Variants in FBXO2 observed in about 807,000 individuals in gnomAD.
FBXO2 encodes the protein F-box protein 2.
FBXO2 carries 32 observed loss-of-function variants against 38.6 expected under a neutral mutation model. The ratio of observed to expected loss-of-function variants is 0.83; its 90% CI spans 0.62 to 1.11. FBXO2 has a LOEUF of 1.11. Ranked by LOEUF, FBXO2 falls within the 50% of genes most tolerant of loss-of-function variation. The probability of loss-of-function intolerance (pLI) is 0.00; values close to 1 mark genes in which losing one functional copy is unlikely to be tolerated. For synonymous variants in FBXO2, 189 were observed against 182.9 expected, an observed-to-expected ratio of 1.03 and a Z score of -0.27; for missense variants, 450 against 418.3, an observed-to-expected ratio of 1.08 and a Z score of -0.66.
intron 4 of FBXO2, 46 bp from the exon 5 acceptor site, chr1:11,649,271 G>A (rs1231955981): frequency 7.3e-7 from 1 of 1,372,878 alleles, no homozygotes; most frequent in Non-Finnish European, 1.0e-6. Context: ...GGTGGGGTGG[G>A]GGCATGGCCT....
In FBXO2 at chr1:11,648,980, G is replaced by GCCCAT; in HGVS notation, c.756+106_756+107insATGGG. ...ACCACCCGGTGACTATCTCAGCCCA[G>GCCCAT]CCCAGCCCAGCCCACCCCAGCCCAG... is the stretch of plus-strand genomic sequence containing the variant. On this transcript the variant is annotated intron_variant, in intron 5 of 5. Transcript: ENST00000354287. This position sits in a 1 kb window ranked among gnomAD's most constrained non-coding sequence, Gnocchi z 4.2. 2 of 1,358,394 alleles carry GCCCAT rather than the reference G, an allele frequency of 1.5e-6. No homozygotes were observed. Among genetic ancestry groups the GCCCAT allele is most frequent in the Non-Finnish European group, 2.0e-6 (2 of 991,192 alleles). 84.1% of individuals were successfully genotyped at this position (1,358,394 alleles called of 1,614,324 possible).
intron 1 of FBXO2, among the ~76,000 whole-genome samples, chr1:11,653,837 C>T (rs1639592298): frequency 6.6e-6 from 1 of 152,190 alleles, no homozygotes; most frequent in Admixed American, 6.5e-5. Context: ...CTGGGCATCT[C>T]ACCACCCCGG....
At chr1:11,652,703 T>C (rs758566558) in intron 1 of FBXO2, among the ~76,000 whole-genome samples, 1 of 152,140 alleles carries the variant, frequency 6.6e-6, no homozygotes, top group Non-Finnish European at 1.5e-5. Flanking sequence ...GGAGTTCCCA[T>C]GGGCTAGGCC....
rs1639471962 is a variant in FBXO2 at position 11,649,185 on chromosome 1, TGAG to T, written c.655_657del (p.Leu219del). 2 of 1,556,658 alleles carry T rather than the reference TGAG, an allele frequency of 1.3e-6. No individual in the cohort carries two copies. On this transcript the variant is annotated inframe_deletion, in exon 5 of 6. Transcript: ENST00000354287. Reference sequence around the variant, plus strand: ...TCGTGCTCGGACAGTAGCTTAACGGTGAGCTCGTAGAGGCAACCAGCGTCGCTG... The same window carrying T: ...TCGTGCTCGGACAGTAGCTTAACGGTCTCGTAGAGGCAACCAGCGTCGCTG...
intron 1 of FBXO2, among the ~76,000 whole-genome samples, chr1:11,653,197 G>A (rs748630679): frequency 2.0e-5 from 3 of 152,040 alleles, no homozygotes; most frequent in Non-Finnish European, 4.4e-5. Context: ...TGGCCCCATC[G>A]GACACCTGAT....
intron 1 of FBXO2, 22 bp from the exon 2 acceptor site, chr1:11,650,856 A>C: frequency 1.9e-6 from 3 of 1,557,486 alleles, no homozygotes; most frequent in Middle Eastern, 2.3e-4. Flanking sequence ...GATGGGTGGG[A>C]GGCTGTGATT....
Position 11,654,374 on chromosome 1 carries a change from G to A in FBXO2, c.-34C>T. ...AGGGCGGTCGCGAGAGGAGGAGCCG[G>A]AGCGCTGCGGGCTGCGCGAGTCCCG... On this transcript the variant is annotated 5_prime_UTR_variant, in exon 1 of 6. Transcript: ENST00000354287. 1 of 1,384,750 alleles carries A rather than the reference G, an allele frequency of 7.2e-7. No individual in the cohort carries two copies. Among genetic ancestry groups the A allele is most frequent in the East Asian group, 3.1e-5 (1 of 32,354 alleles). The allele number at this position is 1,384,750 out of a possible 1,614,324, so 85.8% of individuals were successfully genotyped here. A position where few individuals can be genotyped will look rare whatever the true frequency, so the allele number is the denominator to read the frequency against.
Position 11,649,718 on chromosome 1 carries a change from G to C in FBXO2, c.617+61C>G. The stretch of plus-strand genomic sequence containing the variant: ...CCCCCAGGCGGGGGGTTCCCCAGCT[G>C]GCTCTCCCCTCTGCCTTACCCCGCT... On this transcript the variant is annotated intron_variant, in intron 4 of 5. Transcript: ENST00000354287. 4.5e-6 allele frequency: 7 copies of C among 1,550,778 alleles called. No individual in the cohort carries two copies. The South Asian group carries it at 8.0e-5, about 18-fold the overall frequency.
intron 1 of FBXO2, 116 bp from the exon 2 acceptor site, chr1:11,650,950 G>A: frequency 7.2e-7 from 1 of 1,382,350 alleles, no homozygotes; most frequent in Non-Finnish European, 9.4e-7. Context: ...CCACAGCTGG[G>A]GCCGGAGATT....
In FBXO2 at chr1:11,654,006, C is replaced by T. The variant is rs143739994; in HGVS notation, c.22+313G>A. The T allele has an allele frequency of 3.4e-3, 1,252 of 372,644 alleles. 7 individuals carry two copies. Among genetic ancestry groups the T allele is most frequent in the Middle Eastern group, 0.022 (31 of 1,436 alleles). 23.1% of individuals were successfully genotyped at this position (372,644 alleles called of 1,614,324 possible). On this transcript the variant is annotated intron_variant, in intron 1 of 5. Coordinates refer to ENST00000354287, the MANE Select transcript of FBXO2 (RefSeq NM_012168.6). ...AGGCTCGCAGCCTCCCTCCCAGACGCATCCCAGGCCCCCGCCAGACAGACC... is the reference window on the plus strand; with the variant it reads ...AGGCTCGCAGCCTCCCTCCCAGACGTATCCCAGGCCCCCGCCAGACAGACC...
chr1:11,653,506 G>C (rs909934), intron 1 of FBXO2: 1 of 152,058 alleles, frequency 6.6e-6, no homozygotes. Context: ...CAAGGGCTGC[G>C]AGAGCTGGAA....
chr1:11,650,706 G>T lies in FBXO2; in HGVS notation c.151C>A (p.Pro51Thr). The change falls in exon 2 of 6, where the codon CCC becomes ACC. Residue 51 changes from proline to threonine, a missense_variant. Pro to Thr is a conservative substitution (Grantham distance 38, BLOSUM62 -1). Transcript: ENST00000354287. ...AAAAAYLDEL[P>T]EPLLLRVLAA... The stretch of plus-strand genomic sequence containing the variant: ...AGCACGCGCAGCAGCAGCGGCTCGG[G>T]CAGCTCGTCCAGGTACGCGGCGGCG... 1 of 1,530,916 alleles carries T rather than the reference G, an allele frequency of 6.5e-7. No individual in the cohort carries two copies. 94.8% of individuals were successfully genotyped at this position (1,530,916 alleles called of 1,614,324 possible). A position where few individuals can be genotyped will look rare whatever the true frequency, so the allele number is the denominator to read the frequency against.
rs914162763 is a variant in FBXO2 at position 11,650,072 on chromosome 1, C to A, written c.394G>T (p.Asp132Tyr). The A allele has an allele frequency of 6.2e-6, 10 of 1,613,928 alleles. No homozygotes were observed. The highest frequency in any genetic ancestry group is 6.8e-6 in the Non-Finnish European group (8 of 1,180,022). ...TCCACGTCACACCAGCCTTCCAAGTCCTCTGTAGGGACACGACAGCCCCAC... is the reference window on the plus strand; with the variant it reads ...TCCACGTCACACCAGCCTTCCAAGTACTCTGTAGGGACACGACAGCCCCAC... ...NLLRNPCGEE[D>Y]LEGWCDVEHG... Residue 132 changes from aspartate (D) to tyrosine (Y), a missense_variant and splice_region_variant, in exon 3 of 6, where the codon GAC becomes TAC. By Grantham distance (160) the Asp-to-Tyr change is radical. Coordinates refer to ENST00000354287, the MANE Select transcript of FBXO2 (RefSeq NM_012168.6).
rs1245750452 is a variant in FBXO2, at chr1:11,650,076, T to C, written c.392-2A>G. ...CGTCACACCAGCCTTCCAAGTCCTC[T>C]GTAGGGACACGACAGCCCCACCCTG... On this transcript the variant is annotated splice_acceptor_variant, in intron 2 of 5. Coordinates refer to ENST00000354287, the MANE Select transcript of FBXO2 (RefSeq NM_012168.6). LOFTEE classifies it high-confidence loss of function. The C allele has an allele frequency of 1.9e-6, 3 of 1,613,970 alleles. No homozygotes were observed. In the Admixed American group the frequency reaches 5.0e-5, roughly 27 times the overall value.
chr1:11,648,799 C>A lies in FBXO2; in HGVS notation c.786G>T (p.Pro262=), dbSNP rs141266599. Residue 262 remains proline (P), a synonymous_variant, in exon 6 of 6, where the codon CCG becomes CCT. Coordinates refer to ENST00000354287, the MANE Select transcript of FBXO2 (RefSeq NM_012168.6). The surrounding 1 kb of genome is among the most constrained non-coding windows in gnomAD (Gnocchi z 4.2). ...GCTCGAAGCGGACGAAGCGGACGCC[C>A]GGCCCGTAGTCGGTGAAGGTGTGGG... ...EISHTFTDYG[P]GVRFVRFEHG... is the part of the protein sequence containing the mutation. 3 of 1,613,702 alleles carry A rather than the reference C, an allele frequency of 1.9e-6. No homozygotes were observed. In the Admixed American group the frequency reaches 5.0e-5, roughly 27 times the overall value.
chr1:11,650,012 G>A lies in FBXO2; in HGVS notation c.454C>T (p.Pro152Ser). Reference sequence around the variant, plus strand: ...GTGAACTCCACCCCACTGTCTCCAGGCAGCTCCTCCACCCTCCAGCCGTCC... The same window carrying A: ...GTGAACTCCACCCCACTGTCTCCAGACAGCTCCTCCACCCTCCAGCCGTCC... ...GGDGWRVEELPGDSGVEFTHD... is the reference protein window; with the variant it reads ...GGDGWRVEELSGDSGVEFTHD... Residue 152 changes from proline (P) to serine (S), a missense_variant, in exon 3 of 6, where the codon CCT becomes TCT. Transcript: ENST00000354287. 1.2e-6 allele frequency: 2 copies of A among 1,614,036 alleles called. No homozygotes were observed. The highest frequency in any genetic ancestry group is 1.7e-6 in the Non-Finnish European group (2 of 1,180,032).
At chr1:11,654,060 G>A (rs941090492) in intron 1 of FBXO2, 2 of 426,076 alleles carry the variant, frequency 4.7e-6, no homozygotes, top group Non-Finnish European at 8.3e-6. Flanking sequence ...GGGAATGTGG[G>A]GGTCCTCTGG....
chr1:11,650,255 C>T (rs76578489), intron 2 of FBXO2, among the ~76,000 whole-genome samples, 181 bp from the exon 3 acceptor site: 13,103 of 152,244 alleles, frequency 0.086, 1,107 homozygotes, highest in African/African-American at 0.21. Flanking sequence ...GTCCCCCATC[C>T]CGCCCTGCCC....
In FBXO2 at chr1:11,650,699, G is replaced by A. The variant is rs1449042263; in HGVS notation, c.158C>T (p.Pro53Leu). ...TGCGGCCAGCACGCGCAGCAGCAGC[G>A]GCTCGGGCAGCTCGTCCAGGTACGC... is the stretch of plus-strand genomic sequence containing the variant. Reference protein sequence around the residue: ...AAAYLDELPEPLLLRVLAALP... With the variant: ...AAAYLDELPELLLLRVLAALP... Residue 53 changes from proline to leucine, a missense_variant, in exon 2 of 6, where the codon CCG (proline) becomes CTG (leucine). Transcript: ENST00000354287. 3.3e-6 allele frequency: 5 copies of A among 1,531,810 alleles called. No individual in the cohort carries two copies. The highest frequency in any genetic ancestry group is 4.4e-6 in the Non-Finnish European group (5 of 1,145,166). The allele number at this position is 1,531,810 out of a possible 1,614,324, so 94.9% of individuals were successfully genotyped here. A position where few individuals can be genotyped will look rare whatever the true frequency, so the allele number is the denominator to read the frequency against.
Sources: allele counts gnomAD v4.1 joint callset (sites outside exome capture counted in the v4.1 genomes callset), GRCh38; gene constraint gnomAD v4.1.1; non-coding constraint Gnocchi (gnomAD v3.1); transcripts MANE v1.5; gene names NCBI Gene and HGNC (gene_info 2026-07-23, HGNC 2026-07-21).